Variants in UGP2 observed in about 807,000 individuals in gnomAD.
The protein encoded by UGP2 is UDP-glucose pyrophosphorylase 2.
UGP2 carries 40 observed loss-of-function variants against 49.0 expected under a neutral mutation model. The observed-to-expected ratio is 0.82, with a 90% CI of 0.63 to 1.06. The LOEUF is 1.06. Ranked by LOEUF, UGP2 falls within the 50% of genes least tolerant of loss-of-function variation. The pLI is 0.00. For synonymous variants in UGP2, 225 were observed against 213.0 expected, an observed-to-expected ratio of 1.06 and a Z score of -0.49; for missense variants, 460 against 603.5, an observed-to-expected ratio of 0.76 and a Z score of 2.49.
intron 3 of UGP2, among the ~76,000 whole-genome samples, chr2:63,864,333 G>C (rs1308325915): frequency 6.6e-6 from 1 of 151,876 alleles, no homozygotes; most frequent in African/African-American, 2.4e-5. Context: ...CTGGTTCTTT[G>C]GTATCCTGTA....
intron 1 of UGP2, among the ~76,000 whole-genome samples, chr2:63,847,405 A>C (rs1558931530): frequency 1.3e-5 from 2 of 152,328 alleles, no homozygotes; most frequent in East Asian, 3.9e-4. Flanking sequence ...AAGTGTTTCA[A>C]ATAAAAGAAA....
intron 3 of UGP2, among the ~76,000 whole-genome samples, chr2:63,876,583 G>T (rs1670919752): frequency 6.6e-6 from 1 of 152,166 alleles, no homozygotes; most frequent in African/African-American, 2.4e-5. Context: ...TGCTTTTAAG[G>T]GTTAGATATA....
chr2:63,856,457 C>T (rs772463857), intron 2 of UGP2, 24 bp downstream of exon 2: 3 of 1,598,040 alleles, frequency 1.9e-6, no homozygotes, highest in Admixed American at 1.7e-5. Context: ...TACAGTGTTC[C>T]ACCCCCCCGC....
At chr2:63,857,693 T>G in intron 2 of UGP2, 136 bp from the exon 3 acceptor site, 1 of 911,064 alleles carries the variant, frequency 1.1e-6, no homozygotes, top group South Asian at 1.5e-5. Flanking sequence ...TGTGAAAAAG[T>G]CTTGCTCCCT....
intron 3 of UGP2, among the ~76,000 whole-genome samples, chr2:63,877,999 CAAAAAAAAAAAAA>C (rs61669991): frequency 1.6e-4 from 11 of 67,908 alleles, no homozygotes; most frequent in African/African-American, 6.1e-4. Flanking sequence ...GACTCCGTCT[CAAAAAAAAAAAAA>C]AAAAAAAAAA....
intron 3 of UGP2, among the ~76,000 whole-genome samples, chr2:63,866,048 G>A (rs1465679224): frequency 1.3e-5 from 2 of 152,062 alleles, no homozygotes; most frequent in Non-Finnish European, 2.9e-5. Flanking sequence ...TGGATAAAGA[G>A]TAATAGCAAA....
chr2:63,845,496 T>A (rs1671863851), intron 1 of UGP2, among the ~76,000 whole-genome samples: 1 of 150,960 alleles, frequency 6.6e-6, no homozygotes, highest in Non-Finnish European at 1.5e-5. Flanking sequence ...AGGTTTCATG[T>A]TCAGGCCTAG....
At chr2:63,856,523 A>G in intron 2 of UGP2, 90 bp downstream of exon 2, 1 of 1,402,648 alleles carries the variant, frequency 7.1e-7, no homozygotes, top group Non-Finnish European at 9.5e-7. Flanking sequence ...GATAATCATC[A>G]CCTCAAATCA....
At chr2:63,856,285 G>T (rs755288418) in intron 1 of UGP2, 21 bp from the exon 2 acceptor site, 2 of 1,607,056 alleles carry the variant, frequency 1.2e-6, no homozygotes, top group South Asian at 1.1e-5. Flanking sequence ...TCAGTTGGTG[G>T]TTTTATGTTT....
intron 3 of UGP2, among the ~76,000 whole-genome samples, chr2:63,861,694 A>C (rs1669859510): frequency 6.6e-6 from 1 of 151,406 alleles, no homozygotes; most frequent in African/African-American, 2.4e-5. Flanking sequence ...TCTCAAAAAA[A>C]AAAAAAAAAC....
At chr2:63,851,896 G>A (rs573563433) in intron 1 of UGP2, among the ~76,000 whole-genome samples, 1 of 152,230 alleles carries the variant, frequency 6.6e-6, no homozygotes, top group East Asian at 1.9e-4. Flanking sequence ...TCTTTCAAGG[G>A]CACTAATCAT....
chr2:63,878,104 C>G (rs970561342), intron 3 of UGP2, among the ~76,000 whole-genome samples: 3 of 150,762 alleles, frequency 2.0e-5, no homozygotes, highest in African/African-American at 7.3e-5. Flanking sequence ...GTTAGTAAGT[C>G]CTGCTATGTT....
At chr2:63,856,654 C>T in intron 2 of UGP2, 1 of 558,314 alleles carries the variant, frequency 1.8e-6, no homozygotes, top group Non-Finnish European at 3.2e-6. Flanking sequence ...AGGAAGTTTT[C>T]AAAGTCATTA....
intron 3 of UGP2, among the ~76,000 whole-genome samples, chr2:63,881,731 G>C (rs1671332366): frequency 1.3e-5 from 2 of 152,184 alleles, no homozygotes; most frequent in Non-Finnish European, 2.9e-5. Flanking sequence ...AAATAGATGA[G>C]GATGCTAGGG....
chr2:63,849,909 C>T (rs1204654185), intron 1 of UGP2, among the ~76,000 whole-genome samples: 1 of 152,192 alleles, frequency 6.6e-6, no homozygotes, highest in African/African-American at 2.4e-5. Context: ...GCACACATAG[C>T]AAGTTACACG....
intron 3 of UGP2, among the ~76,000 whole-genome samples, chr2:63,879,822 A>G (rs1671167962): frequency 6.6e-6 from 1 of 152,178 alleles, no homozygotes; most frequent in Non-Finnish European, 1.5e-5. Flanking sequence ...TACCATGTGG[A>G]AAATTGCTGC....
intron 3 of UGP2, among the ~76,000 whole-genome samples, chr2:63,863,751 A>G (rs192034430): frequency 1.2e-4 from 18 of 152,326 alleles, no homozygotes; most frequent in Non-Finnish European, 2.1e-4. Flanking sequence ...AGGAAGGACA[A>G]GGTAATAACT....
intron 3 of UGP2, among the ~76,000 whole-genome samples, chr2:63,867,861 G>A (rs12474366): frequency 6.6e-6 from 1 of 151,962 alleles, no homozygotes; most frequent in South Asian, 2.1e-4. Context: ...AACTCATCTA[G>A]CCTAACAAAT....
intron 1 of UGP2, chr2:63,842,548 C>T (rs1671639850): frequency 6.6e-7 from 1 of 1,516,044 alleles, no homozygotes; most frequent in East Asian, 2.5e-5. Flanking sequence ...GGTACCTGTG[C>T]GTGCACGCAG....
Sources: allele counts gnomAD v4.1 joint callset (sites outside exome capture counted in the v4.1 genomes callset), GRCh38; gene constraint gnomAD v4.1.1; transcripts MANE v1.5; gene names NCBI Gene and HGNC (gene_info 2026-07-23, HGNC 2026-07-21).